SKOR2: variants seen among roughly 807,000 people sequenced by gnomAD.
SKOR2 encodes SKI family transcriptional corepressor 2, also known as LBX1 corepressor 1-like protein.
Under a neutral mutation model 69.1 loss-of-function variants are expected in SKOR2, and 47 were observed. That is an observed-to-expected ratio of 0.68 (90% confidence interval 0.54 to 0.87). SKOR2 has a LOEUF of 0.87. SKOR2 is among the 40% of genes least tolerant of loss of function. The pLI is 0.00. For missense variants in SKOR2, 1,404 were observed against 1,472.2 expected, an observed-to-expected ratio of 0.95 and a Z score of 0.76; for synonymous variants, 717 against 672.6, an observed-to-expected ratio of 1.07 and a Z score of -1.02.
At chr18:47,237,949 A>T (rs1378709273) in intron 4 of SKOR2, among the ~76,000 whole-genome samples, 2 of 152,106 alleles carry the variant, frequency 1.3e-5, no homozygotes, top group Non-Finnish European at 2.9e-5. Context: ...AAGTACTGGG[A>T]TTATAAGCAT....
intron 4 of SKOR2, chr18:47,234,430 C>A (rs1256293090): frequency 6.6e-6 from 1 of 152,188 alleles, no homozygotes; most frequent in Non-Finnish European, 1.5e-5. Context: ...ATTTCCCTCA[C>A]CCCTTTTGTT....
chr18:47,233,793 T>C (rs1021679515), intron 4 of SKOR2, among the ~76,000 whole-genome samples: 2 of 152,242 alleles, frequency 1.3e-5, no homozygotes, highest in African/African-American at 4.8e-5. Flanking sequence ...TAAAATATGA[T>C]ATGTAAAATG....
At position 47,231,152 on chromosome 18, in the gene SKOR2, G is replaced by A. The variant is rs551234905; in HGVS notation, c.2753-152C>T. The A allele has an allele frequency of 8.1e-5, 125 of 1,535,770 alleles. 1 individual carries two copies. The African/African-American group carries it at 8.8e-4, about 11-fold the overall frequency. ...AACCAAATGTTGTCCTCATTTATTC[G>A]CATATAATCCTCCTGAAACACGGAG... On this transcript the variant is annotated intron_variant, in intron 4 of 8. Transcript: ENST00000425639.
At chr18:47,238,011 A>T (rs1024047679) in intron 4 of SKOR2, among the ~76,000 whole-genome samples, 3 of 151,108 alleles carry the variant, frequency 2.0e-5, no homozygotes, top group African/African-American at 7.3e-5. Context: ...TTGGTTTCCT[A>T]CTCCTTGTCT....
At chr18:47,227,769 A>G (rs1600033174) in intron 6 of SKOR2, among the ~76,000 whole-genome samples, 1 of 152,186 alleles carries the variant, frequency 6.6e-6, no homozygotes, top group African/African-American at 2.4e-5. Context: ...AGCACTTCAC[A>G]TAGGTCTCTC....
At chr18:47,223,518 G>A (rs753958802) in intron 6 of SKOR2, among the ~76,000 whole-genome samples, 2 of 152,080 alleles carry the variant, frequency 1.3e-5, no homozygotes, top group Non-Finnish European at 2.9e-5. Context: ...AAATAATAGT[G>A]GATACATGCA....
intron 6 of SKOR2, among the ~76,000 whole-genome samples, chr18:47,227,904 A>G (rs2064184311): frequency 6.6e-6 from 1 of 152,190 alleles, no homozygotes; most frequent in East Asian, 1.9e-4. Context: ...TTTTGAGCCT[A>G]GATTCTTAAT....
chr18:47,227,086 T>C (rs2064181098), intron 6 of SKOR2, among the ~76,000 whole-genome samples: 1 of 152,056 alleles, frequency 6.6e-6, no homozygotes. Context: ...GAGACTTGCT[T>C]GTTTCTCTTC....
intron 4 of SKOR2, among the ~76,000 whole-genome samples, chr18:47,242,751 C>G (rs529607341): frequency 2.0e-5 from 3 of 151,992 alleles, no homozygotes; most frequent in East Asian, 1.9e-4. Context: ...ATAATTTGAA[C>G]TTTAATATTA....
In SKOR2 at chr18:47,249,173, C is replaced by T; in HGVS notation, c.11G>A (p.Ser4Asn). The T allele has an allele frequency of 2.0e-6, 3 of 1,534,660 alleles. No homozygotes were observed. Among genetic ancestry groups the T allele is most frequent in the South Asian group, 2.4e-5 (2 of 83,890 alleles). The change falls in exon 2 of 9, where the codon AGT (serine) becomes AAT (asparagine). Residue 4 changes from serine to asparagine, a missense_variant. Physicochemically the swap from Ser to Asn is conservative, Grantham distance 46. Around this residue, in one of 3 missense-constraint regions of SKOR2, gnomAD observed 104 missense variants for 95.7 expected, o/e 1.09. Transcript: ENST00000425639. MAS[S>N]PLPGPNDILL... is the part of the protein sequence containing the mutation. ...GATGTCGTTGGGCCCTGGCAGCGGACTGGAAGCCATCTCCGCCGCAGAACC... is the reference window on the plus strand; with the variant it reads ...GATGTCGTTGGGCCCTGGCAGCGGATTGGAAGCCATCTCCGCCGCAGAACC...
At chr18:47,225,828 T>C (rs940573664) in intron 6 of SKOR2, among the ~76,000 whole-genome samples, 1 of 151,916 alleles carries the variant, frequency 6.6e-6, no homozygotes, top group African/African-American at 2.4e-5. Flanking sequence ...TAACTGGAGC[T>C]GAGCCGGGGG....
chr18:47,230,683 T>C (rs763460432), intron 5 of SKOR2, 126 bp from the exon 6 acceptor site: 4 of 678,258 alleles, frequency 5.9e-6, no homozygotes, highest in Non-Finnish European at 9.2e-6. Context: ...TGCATAGACA[T>C]AGGATAGATT....
At chr18:47,237,100 C>T (rs1425167269) in intron 4 of SKOR2, among the ~76,000 whole-genome samples, 1 of 152,180 alleles carries the variant, frequency 6.6e-6, no homozygotes, top group African/African-American at 2.4e-5. Context: ...AAGAGAAATA[C>T]CAACTAACGC....
At chr18:47,225,754 G>C (rs2137289) in intron 6 of SKOR2, among the ~76,000 whole-genome samples, 2,940 of 151,954 alleles carry the variant, frequency 0.019, 93 homozygotes, top group African/African-American at 0.067. Flanking sequence ...GAGGGGAGGC[G>C]CTCTGGACTA....
chr18:47,210,210 C>T (rs975524635), intron 8 of SKOR2, among the ~76,000 whole-genome samples: 12 of 152,102 alleles, frequency 7.9e-5, no homozygotes, highest in African/African-American at 2.4e-4. Context: ...TTTTTACCAT[C>T]GTTGGGGGTA....
At chr18:47,211,291 G>T (rs183908818) in intron 8 of SKOR2, among the ~76,000 whole-genome samples, 43 of 152,264 alleles carry the variant, frequency 2.8e-4, no homozygotes, top group Admixed American at 2.0e-3. Context: ...ACTAACAAAT[G>T]CTACCTTTTG....
In SKOR2 at chr18:47,248,731, G is replaced by T; in HGVS notation, c.453C>A (p.Cys151Ter). 2.6e-6 allele frequency: 4 copies of T among 1,553,654 alleles called. No individual in the cohort carries two copies. The highest frequency in any genetic ancestry group is 3.5e-6 in the Non-Finnish European group (4 of 1,156,004). Residue 151 changes from cysteine (C) to a stop codon, truncating the protein, a stop_gained, in exon 2 of 9, where the codon TGC (cysteine) becomes TGA (stop). Transcript: ENST00000425639. LOFTEE classifies it high-confidence loss of function. This position sits in a 1 kb window ranked among gnomAD's most constrained non-coding sequence, Gnocchi z 6.4. ...DNFAFDVSHECAWGCRGSFIP... is the reference protein window; with the variant it reads ...DNFAFDVSHE ...TGAAGCTGCCGCGGCAGCCCCAGGCGCACTCGTGTGACACGTCGAAGGCGA... is the reference window on the plus strand; with the variant it reads ...TGAAGCTGCCGCGGCAGCCCCAGGCTCACTCGTGTGACACGTCGAAGGCGA...
intron 4 of SKOR2, 127 bp downstream of exon 4, chr18:47,244,781 A>T: frequency 1.3e-6 from 1 of 754,244 alleles, no homozygotes; most frequent in Non-Finnish European, 2.0e-6. Flanking sequence ...TGTTTTTCTT[A>T]GTTATATCTA....
At chr18:47,239,998 A>G (rs2064242087) in intron 4 of SKOR2, among the ~76,000 whole-genome samples, 1 of 152,306 alleles carries the variant, frequency 6.6e-6, no homozygotes, top group African/African-American at 2.4e-5. Flanking sequence ...AATCATAAGC[A>G]TGTTCAAAAA....
Sources: gnomAD v4.1 joint callset for allele counts (sites outside exome capture counted in the v4.1 genomes callset) on GRCh38, gnomAD v4.1.1 for gene constraint, gnomAD v4.1.1 regional missense constraint, Gnocchi (gnomAD v3.1) non-coding constraint, MANE v1.5 for transcripts, NCBI Gene and HGNC (gene_info 2026-07-23, HGNC 2026-07-21) for gene names.